The following ANKAR variants were observed in gnomAD, a reference collection of about 807,000 sequenced individuals.
ANKAR encodes ankyrin and armadillo repeat containing.
A neutral mutation model predicts 146.2 loss-of-function variants in ANKAR; 136 were observed. The observed-to-expected ratio is 0.93, with a 90% CI of 0.81 to 1.07. ANKAR has a LOEUF of 1.07. Ranked by LOEUF, ANKAR falls within the 50% of genes least tolerant of loss-of-function variation. The pLI, the probability that ANKAR is intolerant of heterozygous loss-of-function variation, is 0.00. For missense variants in ANKAR, 1,567 were observed against 1,679.9 expected (o/e 0.93, Z 1.18); for synonymous variants, 500 against 575.8 (o/e 0.87, Z 1.88).
intron 11 of ANKAR, 24 bp from the exon 12 acceptor site, chr2:189,720,595 G>A: frequency 7.7e-7 from 1 of 1,305,290 alleles, no homozygotes. Flanking sequence ...AAATTCAAAT[G>A]TAATTTTTTT....
chr2:189,753,070 A>G, intron 18 of ANKAR: 2 of 1,202,384 alleles, frequency 1.7e-6, no homozygotes, highest in Non-Finnish European at 2.3e-6. Flanking sequence ...AGCATTAAAC[A>G]ATAATAAACT....
chr2:189,719,864 A>C, intron 11 of ANKAR, 51 bp downstream of exon 11: 1 of 1,485,328 alleles, frequency 6.7e-7, no homozygotes, highest in Non-Finnish European at 9.0e-7. Flanking sequence ...ACTCCCTCAT[A>C]TAGAAGTTAC....
intron 18 of ANKAR, among the ~76,000 whole-genome samples, chr2:189,756,080 G>C (rs1296527763): frequency 6.6e-6 from 1 of 152,204 alleles, no homozygotes; most frequent in Non-Finnish European, 1.5e-5. Context: ...CAGCTATTCA[G>C]CTGGAATGAC....
downstream of ANKAR, among the ~76,000 whole-genome samples, chr2:189,748,347 G>T (rs1382465384): frequency 6.6e-6 from 1 of 152,152 alleles, no homozygotes; most frequent in Non-Finnish European, 1.5e-5. Flanking sequence ...AGGGCTACAG[G>T]TTCTCAGTCT....
chr2:189,727,992 A>G lies in ANKAR; in HGVS notation c.2772A>G (p.Gln924=). ...TTAAAGGGAAACAAATTAGTGTCCA[A>G]ATGAAAGGTGCAATGGCTGTGGAAT... is the stretch of plus-strand genomic sequence containing the variant. The part of the protein sequence containing the change: ...ALFKGKQISV[Q]MKGAMAVESL... Residue 924 remains glutamine (Q), a synonymous_variant, in exon 13 of 23, where the codon CAA becomes CAG. Transcript: ENST00000684021. The G allele has an allele frequency of 6.2e-7, 1 of 1,614,060 alleles. No individual in the cohort carries two copies. Among genetic ancestry groups the G allele is most frequent in the Non-Finnish European group, 8.5e-7 (1 of 1,179,992 alleles).
In ANKAR at chr2:189,705,052, G is replaced by C. The variant is rs533853538; in HGVS notation, c.1738G>C (p.Ala580Pro). 12 of 1,613,970 alleles carry C rather than the reference G, an allele frequency of 7.4e-6. No homozygotes were observed. The highest frequency in any genetic ancestry group is 1.1e-5 in the South Asian group (1 of 91,080). The change falls in exon 8 of 23, where the codon GCT (alanine) becomes CCT (proline). Residue 580 changes from alanine (A) to proline (P), a missense_variant. By Grantham distance (27) the Ala-to-Pro change is conservative. Coordinates refer to ENST00000684021, the MANE Select transcript of ANKAR (RefSeq NM_001378068.1). The stretch of plus-strand genomic sequence containing the variant: ...AACACCTCTACACCTTGCTGCACAG[G>C]CTTGCTCATTAGAAACAACAGTTTG... Reference protein sequence around the residue: ...GPTPLHLAAQACSLETTVCLL... With the variant: ...GPTPLHLAAQPCSLETTVCLL...
At position 189,738,658 on chromosome 2, in the gene ANKAR, C is replaced by A; in HGVS notation, c.3676C>A (p.Gln1226Lys). 6.2e-7 allele frequency: 1 copy of A among 1,604,894 alleles called. No individual in the cohort carries two copies. The highest frequency in any genetic ancestry group is 8.5e-7 in the Non-Finnish European group (1 of 1,174,580). ...TILVDSLYSV[Q>K]TSTIVLTGNL... ...TTTAGTTGATAGTCTGTATTCAGTTCAGACTTCTACTATTGTCTTGACAGG... is the reference window on the plus strand; with the variant it reads ...TTTAGTTGATAGTCTGTATTCAGTTAAGACTTCTACTATTGTCTTGACAGG... Residue 1226 changes from glutamine (Q) to lysine (K), a missense_variant, in exon 19 of 23, where the codon CAG (glutamine) becomes AAG (lysine). Transcript: ENST00000684021.
At chr2:189,676,405 C>T in intron 1 of ANKAR, 51 bp from the exon 2 acceptor site, 1 of 1,396,158 alleles carries the variant, frequency 7.2e-7, no homozygotes. Context: ...AATCCAGTTT[C>T]ATTGGCATGT....
intron 18 of ANKAR, chr2:189,754,404 G>A: frequency 7.0e-7 from 1 of 1,429,928 alleles, no homozygotes; most frequent in South Asian, 1.3e-5. Context: ...ACGAAAAGAT[G>A]CAAAGGAAAT....
rs1313485755 is a variant in ANKAR at position 189,677,000 on chromosome 2, A to G, written c.510A>G (p.Arg170=). The G allele has an allele frequency of 6.2e-7, 1 of 1,613,484 alleles. No individual in the cohort carries two copies. Among genetic ancestry groups the G allele is most frequent in the East Asian group, 2.2e-5 (1 of 44,892 alleles). The change falls in exon 2 of 23, where the codon AGA becomes AGG. Residue 170 remains arginine (R), a synonymous_variant. Coordinates refer to ENST00000684021, the MANE Select transcript of ANKAR (RefSeq NM_001378068.1). The stretch of plus-strand genomic sequence containing the variant: ...ATATGCCCAAAGAAAAACGAGCTAG[A>G]TTCTCTGAATTGTGGCGTGCCATCA... ...GIYMPKEKRA[R]FSELWRAIMD... is the part of the protein sequence containing the mutation.
chr2:189,749,243 C>CCAA (rs1396283259), downstream of ANKAR, among the ~76,000 whole-genome samples: 2 of 19,782 alleles, frequency 1.0e-4, no homozygotes, highest in Non-Finnish European at 3.4e-4. Context: ...GAGACTCTGT[C>CCAA]TAAAAAAAAA....
chr2:189,706,790 T>C (rs914059399), intron 8 of ANKAR, 148 bp from the exon 9 acceptor site: 13 of 602,440 alleles, frequency 2.2e-5, no homozygotes, highest in Non-Finnish European at 3.4e-5. Flanking sequence ...GCAAATCCAT[T>C]TACATGTAGA....
At chr2:189,760,706 G>C (rs962623846) in intron 18 of ANKAR, among the ~76,000 whole-genome samples, 23 of 151,800 alleles carry the variant, frequency 1.5e-4, no homozygotes, top group African/African-American at 3.9e-4. Flanking sequence ...CAGGGGAATC[G>C]TTTGAACTCG....
chr2:189,728,510 T>C, intron 14 of ANKAR, 90 bp downstream of exon 14: 1 of 1,465,934 alleles, frequency 6.8e-7, no homozygotes, highest in Non-Finnish European at 9.2e-7. Context: ...CAATTATAGC[T>C]CACTGCAGCC....
chr2:189,694,569 A>G (rs2036919128), intron 5 of ANKAR, among the ~76,000 whole-genome samples: 1 of 152,202 alleles, frequency 6.6e-6, no homozygotes, highest in Non-Finnish European at 1.5e-5. Context: ...AGTGAGTAAA[A>G]GCCAAGGAGC....
At chr2:189,759,415 AT>A (rs564020719) in intron 18 of ANKAR, among the ~76,000 whole-genome samples, 3 of 151,762 alleles carry the variant, frequency 2.0e-5, no homozygotes, top group African/African-American at 4.8e-5. Flanking sequence ...CGCCTGGCTA[AT>A]TTTTTTTGTA....
intron 10 of ANKAR, among the ~76,000 whole-genome samples, chr2:189,718,365 C>T (rs200387113): frequency 2.5e-4 from 1 of 3,940 alleles, no homozygotes; most frequent in Admixed American, 0.012. Context: ...CACAGACACA[C>T]ACACACACAC....
intron 15 of ANKAR, among the ~76,000 whole-genome samples, chr2:189,729,545 T>C (rs972224382): frequency 1.3e-5 from 2 of 152,222 alleles, no homozygotes; most frequent in Non-Finnish European, 2.9e-5. Flanking sequence ...GTTTCTTTTT[T>C]TTTGGCCAGA....
chr2:189,756,884 C>G (rs2046169074), intron 18 of ANKAR, among the ~76,000 whole-genome samples: 1 of 152,120 alleles, frequency 6.6e-6, no homozygotes, highest in Non-Finnish European at 1.5e-5. Flanking sequence ...TACTCAAAAC[C>G]TTTAGTTTCA....
Sources: gnomAD v4.1 joint callset for allele counts (sites outside exome capture counted in the v4.1 genomes callset) on GRCh38, gnomAD v4.1.1 for gene constraint, MANE v1.5 for transcripts, NCBI Gene and HGNC (gene_info 2026-07-23, HGNC 2026-07-21) for gene names.